WDR19: variants seen among roughly 807,000 people sequenced by gnomAD.
WDR19 encodes the protein WD repeat domain 19, also known as WD repeat-containing protein 19.
In WDR19, 121 loss-of-function variants were observed where a neutral mutation model predicts 180.0. That is an observed-to-expected ratio of 0.67 (90% CI 0.58 to 0.78). WDR19 has a LOEUF of 0.78. WDR19 is among the 30% of genes least tolerant of loss of function. The pLI is 0.00. For missense variants in WDR19, 1,450 were observed against 1,640.7 expected, an observed-to-expected ratio of 0.88 and a Z score of 2.01; for synonymous variants, 497 against 540.7, an observed-to-expected ratio of 0.92 and a Z score of 1.12.
chr4:39,217,277 T>C (rs1240770076), intron 13 of WDR19, 37 bp downstream of exon 13: 1 of 1,460,700 alleles, frequency 6.8e-7, no homozygotes, highest in East Asian at 2.4e-5. Context: ...ACGCGCTAAG[T>C]TATAATGAAC....
chr4:39,217,208 G>A lies in WDR19; in HGVS notation c.1324G>A (p.Ala442Thr). The A allele has an allele frequency of 6.2e-7, 1 of 1,605,814 alleles. No homozygotes were observed. The highest frequency in any genetic ancestry group is 1.7e-5 in the Admixed American group (1 of 58,952). Residue 442 changes from alanine (A) to threonine (T), a missense_variant, in exon 13 of 37, where the codon GCA (alanine) becomes ACA (threonine). Physicochemically the swap from Ala to Thr is moderately conservative, Grantham distance 58. Transcript: ENST00000399820. ...SICLHSDYAA[A>T]LFEGKVQLHL... ...TTGCCTTCATTCTGACTATGCTGCT[G>A]CACTTTTTGAAGGCAAAGTCCAGTT...
At chr4:39,198,602 G>C (rs1274033524) in intron 5 of WDR19, among the ~76,000 whole-genome samples, 2 of 146,818 alleles carry the variant, frequency 1.4e-5, no homozygotes, top group Non-Finnish European at 3.0e-5. Flanking sequence ...ACGGTGACTC[G>C]CGCCTGTAAT....
At chr4:39,270,298 A>G (rs1369668481) in intron 31 of WDR19, among the ~76,000 whole-genome samples, 198 bp downstream of exon 31, 1 of 152,216 alleles carries the variant, frequency 6.6e-6, no homozygotes, top group Non-Finnish European at 1.5e-5. Flanking sequence ...CACAGTACCA[A>G]ACTCCAGTGT....
At chr4:39,278,082 G>T (rs1736084067) in intron 34 of WDR19, 49 bp from the exon 35 acceptor site, 3 of 1,477,148 alleles carry the variant, frequency 2.0e-6, no homozygotes, top group Non-Finnish European at 2.8e-6. Flanking sequence ...CTAACAGTGG[G>T]AGTTTTTAAA....
intron 3 of WDR19, 105 bp downstream of exon 3, chr4:39,186,709 C>T (rs1725595964): frequency 1.3e-6 from 1 of 759,348 alleles, no homozygotes; most frequent in African/African-American, 1.9e-5. Context: ...TTTGCTTCTT[C>T]CATTTGCAAA....
chr4:39,244,278 GC>G lies in WDR19; in HGVS notation c.2455del (p.Gln819ArgfsTer4). 1 of 1,613,644 alleles carries G rather than the reference GC, an allele frequency of 6.2e-7. No individual in the cohort carries two copies. Among genetic ancestry groups the G allele is most frequent in the Non-Finnish European group, 8.5e-7 (1 of 1,179,664 alleles). On this transcript the variant is annotated frameshift_variant, in exon 22 of 37. Transcript: ENST00000399820. LOFTEE classifies it high-confidence loss of function. ...TGATGAAGCTTGTCTGGCTGGAGTG[GC>G]CCAGATGTCCATAAGAATGGGAGAC... ...EHDEACLAGV[A>X]QMSIRMGDIR...
chr4:39,217,338 G>C, intron 13 of WDR19, 98 bp downstream of exon 13: 1 of 987,444 alleles, frequency 1.0e-6, no homozygotes, highest in African/African-American at 1.6e-5. Context: ...AGGATGTACA[G>C]ACTAACTAGA....
In WDR19 at chr4:39,224,438, T is replaced by C. The variant is rs545822028; in HGVS notation, c.1480-446T>C. On this transcript the variant is annotated intron_variant, in intron 14 of 36. Transcript: ENST00000399820. ...CTGTATTGCCCAGGCTAGAGTGCAATGGTGCAATCTCGGCTCACTGCAACC... is the reference window on the plus strand; with the variant it reads ...CTGTATTGCCCAGGCTAGAGTGCAACGGTGCAATCTCGGCTCACTGCAACC... 1.1e-4 allele frequency among the ~76,000 whole-genome samples: 16 copies of C among 152,250 alleles called. 1 individual carries two copies. In the South Asian group the frequency reaches 3.1e-3, roughly 30 times the overall value.
intron 19 of WDR19, among the ~76,000 whole-genome samples, chr4:39,233,946 A>G (rs1193054653): frequency 6.6e-6 from 1 of 152,178 alleles, no homozygotes; most frequent in Non-Finnish European, 1.5e-5. Flanking sequence ...TTGAAAGCTG[A>G]TGAGTTAACC....
At chr4:39,222,397 G>A (rs553474759) in intron 14 of WDR19, among the ~76,000 whole-genome samples, 1 of 152,232 alleles carries the variant, frequency 6.6e-6, no homozygotes, top group South Asian at 2.1e-4. Context: ...CTTTCAAAGA[G>A]AAGATTTTTT....
intron 10 of WDR19, among the ~76,000 whole-genome samples, chr4:39,214,884 T>C (rs1728905890): frequency 6.6e-6 from 1 of 152,034 alleles, no homozygotes; most frequent in Non-Finnish European, 1.5e-5. Context: ...GCTATTCTCC[T>C]GCCTCAGCCT....
intron 24 of WDR19, among the ~76,000 whole-genome samples, chr4:39,249,146 C>G (rs1219632941): frequency 6.6e-6 from 1 of 151,806 alleles, no homozygotes; most frequent in African/African-American, 2.4e-5. Context: ...CAAACTGTCT[C>G]TCAGACCACA....
intron 1 of WDR19, among the ~76,000 whole-genome samples, chr4:39,184,495 C>A (rs1560468463): frequency 6.6e-6 from 1 of 152,044 alleles, no homozygotes; most frequent in Non-Finnish European, 1.5e-5. Context: ...GAGACGAAGT[C>A]TTGCTCTGTC....
At chr4:39,278,305 C>T (rs1041801350) in intron 35 of WDR19, 98 bp downstream of exon 35, 1 of 1,199,302 alleles carries the variant, frequency 8.3e-7, no homozygotes, top group African/African-American at 1.6e-5. Flanking sequence ...ATTTGTGTTC[C>T]TAAGGATCTC....
intron 24 of WDR19, among the ~76,000 whole-genome samples, chr4:39,251,569 C>T (rs931527553): frequency 5.9e-5 from 9 of 152,132 alleles, no homozygotes; most frequent in South Asian, 2.1e-4. Context: ...TCAGAGTGAA[C>T]AGGCAACCTA....
At chr4:39,184,377 T>G (rs540446662) in intron 1 of WDR19, among the ~76,000 whole-genome samples, 2 of 150,364 alleles carry the variant, frequency 1.3e-5, no homozygotes, top group East Asian at 4.1e-4. Flanking sequence ...CCCACTGCAC[T>G]CCAGAGCCTG....
At chr4:39,214,170 A>G (rs1380948446) in intron 9 of WDR19, among the ~76,000 whole-genome samples, 1 of 152,186 alleles carries the variant, frequency 6.6e-6, no homozygotes, top group African/African-American at 2.4e-5. Context: ...TTTCTATACT[A>G]TAATTCACTT....
At chr4:39,240,940 A>T (rs1305727189) in intron 21 of WDR19, among the ~76,000 whole-genome samples, 1 of 146,258 alleles carries the variant, frequency 6.8e-6, no homozygotes, top group Non-Finnish European at 1.5e-5. Flanking sequence ...TGGACGACAG[A>T]GCGAGACTCC....
intron 27 of WDR19, among the ~76,000 whole-genome samples, chr4:39,256,206 G>T (rs1733745676): frequency 6.6e-6 from 1 of 152,132 alleles, no homozygotes; most frequent in Non-Finnish European, 1.5e-5. Flanking sequence ...AGGCCCAGAT[G>T]ACCTTGCTTC....
Sources: allele counts gnomAD v4.1 joint callset (sites outside exome capture counted in the v4.1 genomes callset), GRCh38; gene constraint gnomAD v4.1.1; transcripts MANE v1.5; gene names NCBI Gene and HGNC (gene_info 2026-07-23, HGNC 2026-07-21).